Variants in MPP7 observed in about 807,000 individuals in gnomAD.
MPP7 encodes the protein MAGUK p55 subfamily member 7.
A neutral mutation model predicts 76.5 loss-of-function variants in MPP7; 60 were observed. The observed-to-expected ratio is 0.78, with a 90% CI of 0.64 to 0.97. The LOEUF is 0.97. Among genes scored for constraint, MPP7 ranks in the 50% least tolerant of loss-of-function variants. MPP7 has a pLI of 0.00. For missense variants in MPP7, 641 were observed against 694.0 expected, an observed-to-expected ratio of 0.92 and a Z score of 0.86; for synonymous variants, 237 against 244.5, an observed-to-expected ratio of 0.97 and a Z score of 0.29.
At chr10:28,263,013 A>G (rs982768714) in intron 1 of MPP7, among the ~76,000 whole-genome samples, 1 of 152,156 alleles carries the variant, frequency 6.6e-6, no homozygotes, top group African/African-American at 2.4e-5. Context: ...CTGAGTTCGC[A>G]CCACCGCACT....
intron 8 of MPP7, among the ~76,000 whole-genome samples, chr10:28,121,032 G>C (rs1404701201): frequency 6.6e-6 from 1 of 152,168 alleles, no homozygotes; most frequent in African/African-American, 2.4e-5. Context: ...ATAAAGGTCT[G>C]GGTGCAGTGG....
intron 6 of MPP7, among the ~76,000 whole-genome samples, chr10:28,129,592 A>G (rs975037321): frequency 6.6e-6 from 1 of 151,084 alleles, no homozygotes; most frequent in Non-Finnish European, 1.5e-5. Context: ...CGTCTCAAAA[A>G]AAAAAAAAAA....
In MPP7 at chr10:28,089,667, T is replaced by G. The variant is rs753724274; in HGVS notation, c.1123+4A>C. The G allele has an allele frequency of 8.7e-6, 14 of 1,610,796 alleles. No individual in the cohort carries two copies. Among genetic ancestry groups the G allele is most frequent in the Non-Finnish European group, 5.9e-6 (7 of 1,178,816 alleles). On this transcript the variant is annotated splice_donor_region_variant and intron_variant, in intron 12 of 16. Coordinates refer to ENST00000683449, the MANE Select transcript of MPP7 (RefSeq NM_001318170.2). ...CAGAATTACTCACAGAAACAAGCAC[T>G]TACCAACCAAGACAACGAGTCTGTA...
At chr10:28,119,619 TG>T in intron 11 of MPP7, 31 bp downstream of exon 11, 2 of 1,573,814 alleles carry the variant, frequency 1.3e-6, no homozygotes. Context: ...CATCAGGGTT[TG>T]GTTTCTCTGC....
At chr10:28,153,462 T>C (rs1835950099) in intron 3 of MPP7, among the ~76,000 whole-genome samples, 2 of 152,248 alleles carry the variant, frequency 1.3e-5, no homozygotes, top group South Asian at 4.1e-4. Flanking sequence ...TTAAATGCAC[T>C]ATTAAGAAAA....
chr10:28,115,800 AC>A (rs1834648805), intron 11 of MPP7, among the ~76,000 whole-genome samples: 1 of 152,218 alleles, frequency 6.6e-6, no homozygotes, highest in South Asian at 2.1e-4. Flanking sequence ...TTAAATGGAT[AC>A]CCTTTGGCTT....
Position 28,097,384 on chromosome 10 carries a change from C to T in MPP7, c.953-7543G>A, listed in dbSNP as rs528871798. On this transcript the variant is annotated intron_variant, in intron 11 of 16. Transcript: ENST00000683449. ...AGTGGTGGTAGTGGTTGATATTTGT[C>T]GGGCACATGTTAGATGACTGGCACT... 7.2e-5 allele frequency among the ~76,000 whole-genome samples: 11 copies of T among 151,966 alleles called. No individual in the cohort carries two copies. The South Asian group carries it at 1.3e-3, about 17-fold the overall frequency.
At position 28,285,378 on chromosome 10, in the gene MPP7, T is replaced by C. The variant is rs573941827; in HGVS notation, c.-132+17483A>G. ...TTTTGTATTTTTAGTAGAGACGGGG[T>C]TTCTCTGTGTTGGTCAGGCTGGTCT... is the stretch of plus-strand genomic sequence containing the variant. On this transcript the variant is annotated intron_variant, in intron 1 of 16. Coordinates refer to ENST00000683449, the MANE Select transcript of MPP7 (RefSeq NM_001318170.2). 6.6e-5 allele frequency among the ~76,000 whole-genome samples: 10 copies of C among 151,952 alleles called. No individual in the cohort carries two copies. In the East Asian group the frequency reaches 1.9e-3, roughly 29 times the overall value.
In MPP7 at chr10:28,056,275, C is replaced by T. The variant is rs141224900; in HGVS notation, c.1551+205G>A. Among the ~76,000 whole-genome samples the T allele has an allele frequency of 9.3e-3, 1,418 of 152,150 alleles. 22 individuals carry two copies. Among genetic ancestry groups the T allele is most frequent in the African/African-American group, 0.028 (1,167 of 41,528 alleles). ...TGGGGTCTTATGATCTTCCCACCTC[C>T]GCCTCCCAAGTAGCTGGGACTACAG... On this transcript the variant is annotated intron_variant, in intron 16 of 16. Coordinates refer to ENST00000683449, the MANE Select transcript of MPP7 (RefSeq NM_001318170.2).
chr10:28,119,830 G>GT, intron 10 of MPP7, 115 bp from the exon 11 acceptor site: 1 of 754,406 alleles, frequency 1.3e-6, no homozygotes, highest in Non-Finnish European at 2.1e-6. Flanking sequence ...AAAAATGAAT[G>GT]TAATGCAATA....
intron 5 of MPP7, among the ~76,000 whole-genome samples, chr10:28,143,339 A>G (rs1187039713): frequency 7.9e-5 from 12 of 152,222 alleles, no homozygotes; most frequent in Non-Finnish European, 7.3e-5. Context: ...TACTTTCTTT[A>G]TAATTTGAAT....
At chr10:28,304,957 G>A (rs1841242940), upstream of MPP7, among the ~76,000 whole-genome samples, 1 of 151,996 alleles carries the variant, frequency 6.6e-6, no homozygotes, top group Non-Finnish European at 1.5e-5. Context: ...TTTATCAGAA[G>A]ATGGACAATG....
chr10:28,189,990 A>C (rs1444529376), intron 3 of MPP7, among the ~76,000 whole-genome samples: 1 of 152,212 alleles, frequency 6.6e-6, no homozygotes, highest in Non-Finnish European at 1.5e-5. Flanking sequence ...GTAGAGAAAG[A>C]TACACTAACA....
At chr10:28,249,492 G>A (rs1194312097) in intron 1 of MPP7, among the ~76,000 whole-genome samples, 3 of 152,214 alleles carry the variant, frequency 2.0e-5, no homozygotes, top group Non-Finnish European at 2.9e-5. Context: ...GAGAGGCTGA[G>A]GCAGGAGAAT....
chr10:28,238,591 G>C lies in MPP7; in HGVS notation c.14C>G (p.Ser5Ter). The change falls in exon 2 of 17, where the codon TCA becomes TGA. Residue 5 changes from serine (S) to a stop codon, truncating the protein, a stop_gained. Coordinates refer to ENST00000683449, the MANE Select transcript of MPP7 (RefSeq NM_001318170.2). LOFTEE classifies it high-confidence loss of function. MPAL[S>*]TGSGSDTGLY... ...ACCAGTGTCACTCCCAGATCCCGTT[G>C]ACAAAGCTGGCATGATGCAAGGTGT... is the stretch of plus-strand genomic sequence containing the variant. 1 of 1,614,134 alleles carries C rather than the reference G, an allele frequency of 6.2e-7. No homozygotes were observed. Among genetic ancestry groups the C allele is most frequent in the Non-Finnish European group, 8.5e-7 (1 of 1,179,978 alleles).
intron 3 of MPP7, among the ~76,000 whole-genome samples, chr10:28,199,574 T>C (rs1837701037): frequency 6.6e-6 from 1 of 151,854 alleles, no homozygotes; most frequent in Non-Finnish European, 1.5e-5. Flanking sequence ...CAAAGAGGTC[T>C]ATGTATTTAA....
chr10:28,081,562 G>A (rs1436368138), intron 12 of MPP7, among the ~76,000 whole-genome samples: 1 of 152,034 alleles, frequency 6.6e-6, no homozygotes, highest in Admixed American at 6.6e-5. Context: ...ACAGCTCAAA[G>A]TCCTCCATTA....
intron 3 of MPP7, among the ~76,000 whole-genome samples, chr10:28,177,476 A>C (rs1186477516): frequency 6.6e-6 from 1 of 152,164 alleles, no homozygotes; most frequent in African/African-American, 2.4e-5. Flanking sequence ...CAACATTGTG[A>C]AAATTCGTAG....
chr10:28,195,089 T>C (rs1280530451), intron 3 of MPP7, among the ~76,000 whole-genome samples: 4 of 152,196 alleles, frequency 2.6e-5, no homozygotes. Flanking sequence ...AGGATCCAAT[T>C]GGACATTTCT....
Sources: allele counts gnomAD v4.1 joint callset (sites outside exome capture counted in the v4.1 genomes callset), GRCh38; gene constraint gnomAD v4.1.1; transcripts MANE v1.5; gene names NCBI Gene and HGNC (gene_info 2026-07-23, HGNC 2026-07-21).